The following CCNY variants were observed in gnomAD, a reference collection of about 807,000 sequenced individuals.
CCNY encodes cyclin-Y.
In CCNY, 19 loss-of-function variants were observed where a neutral mutation model predicts 42.8. That is an observed-to-expected ratio of 0.44 (90% CI 0.31 to 0.65). The LOEUF (loss-of-function observed/expected upper bound fraction) is 0.65, where lower values mean the gene tolerates loss of function less well. Ranked by LOEUF, CCNY falls within the 30% of genes least tolerant of loss-of-function variation. The probability of loss-of-function intolerance (pLI) is 0.07; values close to 1 mark genes in which losing one functional copy is unlikely to be tolerated. For missense variants in CCNY, 370 were observed against 437.3 expected (o/e 0.85, Z 1.37); for synonymous variants, 165 against 162.7 (o/e 1.01, Z -0.11).
chr10:35,339,557 C>G (rs1284854757), intron 1 of CCNY, among the ~76,000 whole-genome samples: 2 of 152,084 alleles, frequency 1.3e-5, no homozygotes, highest in South Asian at 2.1e-4. Context: ...ATCATTGACT[C>G]TAGTATATAT....
At chr10:35,362,615 TA>T (rs1418820360) in intron 1 of CCNY, among the ~76,000 whole-genome samples, 1 of 152,168 alleles carries the variant, frequency 6.6e-6, no homozygotes, top group Non-Finnish European at 1.5e-5. Flanking sequence ...AACTTTTAAT[TA>T]AAAAGTAAAC....
At chr10:35,447,094 G>A (rs1487448367) in intron 1 of CCNY, among the ~76,000 whole-genome samples, 1 of 152,162 alleles carries the variant, frequency 6.6e-6, no homozygotes, top group African/African-American at 2.4e-5. Context: ...TGGCTAATAC[G>A]GTGAAACCCC....
At chr10:35,291,492 A>T (rs1835412968) in intron 3 of CCNY, among the ~76,000 whole-genome samples, 1 of 144,734 alleles carries the variant, frequency 6.9e-6, no homozygotes, top group South Asian at 2.2e-4. Flanking sequence ...TTTTGCTTTT[A>T]TGAGTAATGC....
At chr10:35,457,999 T>G (rs1839075667) in intron 1 of CCNY, among the ~76,000 whole-genome samples, 1 of 152,258 alleles carries the variant, frequency 6.6e-6, no homozygotes, top group South Asian at 2.1e-4. Flanking sequence ...GTTTCTCTTC[T>G]CCCTTGTTTT....
intron 7 of CCNY, among the ~76,000 whole-genome samples, chr10:35,552,462 A>G (rs1033692): frequency 0.29 from 44,005 of 152,076 alleles, 6,669 homozygotes; most frequent in East Asian, 0.35. Context: ...GCAGTGTGTC[A>G]GGTGAATGTG....
intron 5 of CCNY, 26 bp from the exon 6 acceptor site, chr10:35,529,947 T>G (rs767736954): frequency 1.3e-6 from 2 of 1,591,894 alleles, no homozygotes; most frequent in Non-Finnish European, 1.7e-6. Flanking sequence ...AAAGTAAGTT[T>G]CATTTTCTAT....
At chr10:35,394,145 C>T (rs1005160870) in intron 1 of CCNY, among the ~76,000 whole-genome samples, 6 of 152,172 alleles carry the variant, frequency 3.9e-5, no homozygotes, top group Non-Finnish European at 7.3e-5. Context: ...CTCCAAGAGA[C>T]GTGGAGCTGT....
intron 7 of CCNY, among the ~76,000 whole-genome samples, chr10:35,541,855 A>G (rs931663647): frequency 6.7e-6 from 1 of 149,426 alleles, no homozygotes; most frequent in African/African-American, 2.5e-5. Flanking sequence ...CATCCAGGAC[A>G]CCATGTTGTA....
upstream of CCNY, among the ~76,000 whole-genome samples, chr10:35,335,074 AC>A (rs1460244442): frequency 4.6e-5 from 2 of 43,894 alleles, no homozygotes; most frequent in Non-Finnish European, 1.0e-4. Flanking sequence ...CCACCCCCCC[AC>A]CCCACAAGAC....
chr10:35,387,662 A>G (rs1313202326), intron 1 of CCNY, among the ~76,000 whole-genome samples: 1 of 152,234 alleles, frequency 6.6e-6, no homozygotes, highest in Non-Finnish European at 1.5e-5. Context: ...CTTATTATTT[A>G]AAAACTTACT....
intron 3 of CCNY, among the ~76,000 whole-genome samples, chr10:35,286,655 C>CTTT (rs1192327536): frequency 1.1e-4 from 12 of 112,238 alleles, no homozygotes; most frequent in Middle Eastern, 8.1e-3. Context: ...CGTGCCCAGC[C>CTTT]TTTTTTTTTT....
chr10:35,516,732 C>T (rs1840439691), intron 4 of CCNY, 109 bp downstream of exon 4: 1 of 671,602 alleles, frequency 1.5e-6, no homozygotes. Flanking sequence ...GACAGCTAAG[C>T]TGGTTGGTTG....
chr10:35,462,731 C>G (rs879369003), intron 1 of CCNY, among the ~76,000 whole-genome samples: 6 of 152,206 alleles, frequency 3.9e-5, no homozygotes, highest in African/African-American at 9.6e-5. Context: ...GCCCACCACT[C>G]CAGGTCAGAA....
intron 3 of CCNY, among the ~76,000 whole-genome samples, chr10:35,321,204 A>G (rs1411545668): frequency 6.6e-6 from 1 of 151,214 alleles, no homozygotes; most frequent in Non-Finnish European, 1.5e-5. Context: ...TAAATTTAAC[A>G]TAATACATGC....
chr10:35,465,938 A>AGAGAGAGAGAGAGAGAGTGT, intron 1 of CCNY, among the ~76,000 whole-genome samples: 252 of 80,924 alleles, frequency 3.1e-3, no homozygotes, highest in South Asian at 7.6e-3. Context: ...AGAGAGAGAG[A>AGAGAGAGAGAGAGAGAGTGT]GTGTGTGTGT....
chr10:35,563,427 T>TA (rs1841504646), intron 8 of CCNY, among the ~76,000 whole-genome samples: 1 of 152,182 alleles, frequency 6.6e-6, no homozygotes, highest in Non-Finnish European at 1.5e-5. Flanking sequence ...GCTGTTCTCT[T>TA]AGACTTTTCT....
chr10:35,455,617 C>G (rs1484855402), intron 1 of CCNY, among the ~76,000 whole-genome samples: 1 of 152,046 alleles, frequency 6.6e-6, no homozygotes, highest in South Asian at 2.1e-4. Context: ...ACCGAACATT[C>G]ATAAGGCTCA....
rs184822038 is a variant in CCNY at position 35,548,518 on chromosome 10, G to C, written c.580-4501G>C. Reference sequence around the variant, plus strand: ...TCACCATGTTGGCCAGGATGGTCTCGATCTCCTGACCTTGTGATCTGCCCA... The same window carrying C: ...TCACCATGTTGGCCAGGATGGTCTCCATCTCCTGACCTTGTGATCTGCCCA... On this transcript the variant is annotated intron_variant, in intron 7 of 9. Coordinates refer to ENST00000374704, the MANE Select transcript of CCNY (RefSeq NM_145012.6). Among the ~76,000 whole-genome samples the C allele has an allele frequency of 5.1e-3, 771 of 152,034 alleles. 6 individuals carry two copies. Among genetic ancestry groups the C allele is most frequent in the Middle Eastern group, 0.01 (3 of 294 alleles).
intron 2 of CCNY, among the ~76,000 whole-genome samples, chr10:35,499,849 A>G (rs1840075938): frequency 6.6e-6 from 1 of 152,222 alleles, no homozygotes; most frequent in South Asian, 2.1e-4. Flanking sequence ...GGAAATCACC[A>G]TAGAATTATC....
Sources: allele counts gnomAD v4.1 joint callset (sites outside exome capture counted in the v4.1 genomes callset), GRCh38; gene constraint gnomAD v4.1.1; transcripts MANE v1.5; gene names NCBI Gene and HGNC (gene_info 2026-07-23, HGNC 2026-07-21).